The following USP37 variants were observed in gnomAD, a reference collection of about 807,000 sequenced individuals.
The protein encoded by USP37 is ubiquitin carboxyl-terminal hydrolase 37.
USP37 carries 27 observed loss-of-function variants against 124.0 expected under a neutral mutation model. The ratio of observed to expected loss-of-function variants is 0.22; its 90% CI spans 0.16 to 0.30. The LOEUF (loss-of-function observed/expected upper bound fraction) is 0.30, where lower values mean the gene tolerates loss of function less well. Ranked by LOEUF, USP37 falls within the 10% of genes least tolerant of loss-of-function variation. USP37 has a pLI of 1.00. For synonymous variants in USP37, 365 were observed against 388.0 expected, an observed-to-expected ratio of 0.94 and a Z score of 0.70; for missense variants, 889 against 1,140.4, an observed-to-expected ratio of 0.78 and a Z score of 3.17.
chr2:218,549,997 T>C (rs868147495), intron 5 of USP37, 88 bp from the exon 6 acceptor site: 2 of 1,005,562 alleles, frequency 2.0e-6, no homozygotes, highest in African/African-American at 1.7e-5. Context: ...TATATAATAT[T>C]GAAGAAATGG....
intron 24 of USP37, among the ~76,000 whole-genome samples, chr2:218,456,227 C>T (rs774513914): frequency 6.6e-5 from 10 of 151,398 alleles, no homozygotes; most frequent in Non-Finnish European, 1.0e-4. Context: ...GGCAGGAGGA[C>T]TGCTTGAGGC....
intron 23 of USP37, among the ~76,000 whole-genome samples, chr2:218,457,909 G>A (rs971672935): frequency 2.0e-5 from 3 of 151,648 alleles, no homozygotes; most frequent in Admixed American, 6.6e-5. Flanking sequence ...ATTAGCTGGC[G>A]GGCGCCTGTA....
chr2:218,515,103 C>T (rs1400499084), intron 10 of USP37, among the ~76,000 whole-genome samples: 1 of 152,118 alleles, frequency 6.6e-6, no homozygotes, highest in Non-Finnish European at 1.5e-5. Context: ...TTTCAAGGAG[C>T]TCTGCTTTCT....
chr2:218,488,175 C>CAAAAAAAAAAA (rs66581703), intron 15 of USP37, 129 bp downstream of exon 15: 24 of 349,888 alleles, frequency 6.9e-5, no homozygotes, highest in African/African-American at 1.5e-4. Flanking sequence ...GACCCTGTCT[C>CAAAAAAAAAAA]AAAAAAAAAA....
intron 17 of USP37, among the ~76,000 whole-genome samples, chr2:218,481,683 C>CTTTTTTTTTTT (rs71403043): frequency 7.4e-6 from 1 of 134,474 alleles, no homozygotes; most frequent in African/African-American, 2.7e-5. Flanking sequence ...CTTTTCTTTT[C>CTTTTTTTTTTT]TTTTTTTTTT....
chr2:218,529,348 T>C (rs915245066), intron 10 of USP37, among the ~76,000 whole-genome samples: 2 of 152,070 alleles, frequency 1.3e-5, no homozygotes, highest in African/African-American at 4.8e-5. Context: ...TCTACAAAAA[T>C]TAGCGTGGTG....
At chr2:218,561,652 G>GA (rs34361610) in intron 2 of USP37, among the ~76,000 whole-genome samples, 125 of 135,608 alleles carry the variant, frequency 9.2e-4, no homozygotes, top group African/African-American at 1.5e-3. Context: ...CTCTGTCTCA[G>GA]AAAAAAAAAA....
chr2:218,553,415 A>G, intron 5 of USP37, 138 bp downstream of exon 5: 1 of 789,908 alleles, frequency 1.3e-6, no homozygotes, highest in Non-Finnish European at 1.8e-6. Flanking sequence ...CTATCTTTGA[A>G]TTTCAGGAAT....
intron 2 of USP37, among the ~76,000 whole-genome samples, chr2:218,561,263 T>C (rs1424049140): frequency 6.6e-6 from 1 of 152,226 alleles, no homozygotes; most frequent in Non-Finnish European, 1.5e-5. Context: ...ACTCTTCTAC[T>C]CCAGTTTCCC....
intron 20 of USP37, among the ~76,000 whole-genome samples, chr2:218,468,117 G>C (rs780983468): frequency 6.6e-6 from 1 of 151,628 alleles, no homozygotes; most frequent in African/African-American, 2.4e-5. Flanking sequence ...TCGAACTCCT[G>C]ACGTCAAGTG....
rs996978785 is a variant in USP37, at chr2:218,488,196, A to G, written c.1590+108T>C. The G allele has an allele frequency of 1.9e-3, 1,093 of 585,948 alleles. 9 individuals are homozygous for G. The African/African-American group carries it at 0.02, about 11-fold the overall frequency. 36.3% of individuals were successfully genotyped at this position (585,948 alleles called of 1,614,324 possible). A position where few individuals can be genotyped will look rare whatever the true frequency, so the allele number is the denominator to read the frequency against. On this transcript the variant is annotated intron_variant, in intron 15 of 25. Transcript: ENST00000258399. ...GTCTCAAAAAAAAAAAAAAAAAAAA[A>G]AGAAAAGAAAAGAAACTTTGCCTTG...
rs1693155331 is a variant in USP37 at position 218,558,639 on chromosome 2, C to A, written c.15G>T (p.Lys5Asn). 4 of 1,600,672 alleles carry A rather than the reference C, an allele frequency of 2.5e-6. No individual in the cohort carries two copies. Among genetic ancestry groups the A allele is most frequent in the Non-Finnish European group, 3.4e-6 (4 of 1,174,526 alleles). Residue 5 changes from lysine (K) to asparagine (N), a missense_variant, in exon 4 of 26, where the codon AAG becomes AAT. By Grantham distance (94) the Lys-to-Asn change is moderately conservative. This residue lies in a region of USP37 where 374 missense variants were observed against 386.0 expected (regional missense o/e 0.97). Coordinates refer to ENST00000258399, the MANE Select transcript of USP37 (RefSeq NM_020935.3). ...TTCGAATTCTGATAGGACCATGTAT[C>A]TTCAGAGGAGACATATTTTCTTTAA... MSPLKIHGPIRIRSM... is the reference protein window; with the variant it reads MSPLNIHGPIRIRSM...
intron 10 of USP37, chr2:218,528,538 C>A (rs1326316053): frequency 3.2e-6 from 1 of 313,272 alleles, no homozygotes. Flanking sequence ...GTTTTATGTT[C>A]CTGTGTCAGT....
intron 22 of USP37, among the ~76,000 whole-genome samples, chr2:218,462,365 GA>G (rs1008571559): frequency 3.3e-5 from 5 of 152,018 alleles, no homozygotes; most frequent in African/African-American, 1.2e-4. Flanking sequence ...GAAGAACCAG[GA>G]ACCAGGTACC....
intron 10 of USP37, among the ~76,000 whole-genome samples, chr2:218,529,335 G>A (rs754931770): frequency 1.2e-4 from 19 of 152,104 alleles, no homozygotes; most frequent in Non-Finnish European, 2.6e-4. Context: ...CTAAAATCCT[G>A]TCTCTACAAA....
chr2:218,503,553 T>C (rs1391458423), intron 11 of USP37, among the ~76,000 whole-genome samples: 1 of 152,038 alleles, frequency 6.6e-6, no homozygotes, highest in African/African-American at 2.4e-5. Flanking sequence ...TCGTCTCTAC[T>C]AAAAATATAA....
chr2:218,520,122 A>G, intron 10 of USP37, among the ~76,000 whole-genome samples: 1 of 145,984 alleles, frequency 6.9e-6, no homozygotes, highest in Middle Eastern at 4.0e-3. Context: ...ATTTTTAGTA[A>G]AGACGAGGTT....
intron 16 of USP37, among the ~76,000 whole-genome samples, chr2:218,485,291 A>G (rs1241836866): frequency 6.6e-6 from 1 of 152,056 alleles, no homozygotes; most frequent in Non-Finnish European, 1.5e-5. Flanking sequence ...TCAATATTTC[A>G]AACGCTTTTC....
chr2:218,457,255 G>A, intron 23 of USP37, 94 bp from the exon 24 acceptor site: 1 of 1,240,014 alleles, frequency 8.1e-7, no homozygotes, highest in Non-Finnish European at 1.1e-6. Context: ...ACATGGCTAA[G>A]CTTTGGTATG....
Sources: gnomAD v4.1 joint callset for allele counts (sites outside exome capture counted in the v4.1 genomes callset) on GRCh38, gnomAD v4.1.1 for gene constraint, gnomAD v4.1.1 regional missense constraint, MANE v1.5 for transcripts, NCBI Gene and HGNC (gene_info 2026-07-23, HGNC 2026-07-21) for gene names.